The following SDHB variants were observed in gnomAD, a reference collection of about 807,000 sequenced individuals.
SDHB encodes the protein succinate dehydrogenase complex iron sulfur subunit B, also known as succinate dehydrogenase [ubiquinone] iron-sulfur subunit, mitochondrial.
Under a neutral mutation model 39.7 loss-of-function variants are expected in SDHB, and 21 were observed. The observed-to-expected ratio is 0.53, with a 90% CI of 0.37 to 0.76. SDHB has a LOEUF of 0.76. Among genes scored for constraint, SDHB ranks in the 30% least tolerant of loss-of-function variants. The pLI, the probability that SDHB is intolerant of heterozygous loss-of-function variation, is 0.00. For synonymous variants in SDHB, 118 were observed against 117.0 expected, an observed-to-expected ratio of 1.01 and a Z score of -0.06; for missense variants, 343 against 350.9, an observed-to-expected ratio of 0.98 and a Z score of 0.18.
At chr1:17,023,898 A>C (rs911025466) in intron 6 of SDHB, 75 bp downstream of exon 6, 3 of 1,130,016 alleles carry the variant, frequency 2.7e-6, no homozygotes, top group Non-Finnish European at 4.0e-6. Context: ...GCTGGCTTAC[A>C]GCAATCTATT....
chr1:17,032,204 CTTT>C (rs759941990), intron 3 of SDHB, among the ~76,000 whole-genome samples: 2 of 142,988 alleles, frequency 1.4e-5, no homozygotes, highest in Non-Finnish European at 3.1e-5. Context: ...TTATATTTTT[CTTT>C]TTTTTTTTTT....
At chr1:17,049,557 A>G (rs1000760553) in intron 1 of SDHB, among the ~76,000 whole-genome samples, 1 of 150,464 alleles carries the variant, frequency 6.6e-6, no homozygotes, top group African/African-American at 2.4e-5. Flanking sequence ...TCAGCGTTCC[A>G]AAGTGTTGGG....
intron 7 of SDHB, 64 bp from the exon 8 acceptor site, chr1:17,019,022 T>A: frequency 7.7e-7 from 1 of 1,293,802 alleles, no homozygotes; most frequent in Non-Finnish European, 1.1e-6. Context: ...AAACCCACAA[T>A]CTTGGGTGAA....
At chr1:17,051,466 G>A (rs1434201949) in intron 1 of SDHB, among the ~76,000 whole-genome samples, 1 of 152,126 alleles carries the variant, frequency 6.6e-6, no homozygotes, top group African/African-American at 2.4e-5. Context: ...GGAGGCCAGA[G>A]AAGAAGGTGG....
At chr1:17,043,165 T>G (rs2078090904) in intron 2 of SDHB, among the ~76,000 whole-genome samples, 1 of 152,096 alleles carries the variant, frequency 6.6e-6, no homozygotes, top group African/African-American at 2.4e-5. Flanking sequence ...TTCACCATGT[T>G]GGCCAGGCTA....
At chr1:17,023,345 C>T (rs2077973462) in intron 6 of SDHB, among the ~76,000 whole-genome samples, 1 of 152,240 alleles carries the variant, frequency 6.6e-6, no homozygotes, top group Non-Finnish European at 1.5e-5. Context: ...CCAATCTTCA[C>T]ATGGCTGGGA....
At chr1:17,019,657 G>T (rs2101509161) in intron 7 of SDHB, among the ~76,000 whole-genome samples, 1 of 152,098 alleles carries the variant, frequency 6.6e-6, no homozygotes, top group South Asian at 2.1e-4. Context: ...ATTTTAGAAG[G>T]ATAAGTCTAC....
chr1:17,033,002 C>T, intron 3 of SDHB, 58 bp downstream of exon 3: 8 of 1,379,090 alleles, frequency 5.8e-6, no homozygotes, highest in Non-Finnish European at 7.2e-6. Context: ...CTTTGGCCAG[C>T]CCAAGCCTCT....
intron 7 of SDHB, 140 bp downstream of exon 7, chr1:17,022,468 A>G: frequency 8.3e-7 from 1 of 1,202,978 alleles, no homozygotes; most frequent in Non-Finnish European, 1.2e-6. Flanking sequence ...CTAGGCTCAC[A>G]CTGAAAGGAC....
At chr1:17,037,772 T>G (rs575802463) in intron 2 of SDHB, among the ~76,000 whole-genome samples, 281 of 151,954 alleles carry the variant, frequency 1.8e-3, no homozygotes, top group Non-Finnish European at 3.3e-3. Flanking sequence ...AATTTTTTGT[T>G]TGCTTTTTTG....
At chr1:17,024,113 G>A in intron 5 of SDHB, 39 bp from the exon 6 acceptor site, 1 of 1,391,742 alleles carries the variant, frequency 7.2e-7, no homozygotes, top group Non-Finnish European at 1.0e-6. Context: ...CTTGTGACGG[G>A]AGAGACTCTG....
intron 3 of SDHB, among the ~76,000 whole-genome samples, chr1:17,031,289 T>C (rs2078021596): frequency 6.6e-6 from 1 of 151,766 alleles, no homozygotes; most frequent in East Asian, 1.9e-4. Flanking sequence ...GGCATAAAAA[T>C]TAAAAAAATA....
intron 4 of SDHB, among the ~76,000 whole-genome samples, chr1:17,028,231 G>GT (rs1402458349): frequency 1.3e-5 from 2 of 152,164 alleles, no homozygotes; most frequent in African/African-American, 2.4e-5. Flanking sequence ...TGATTTCTTT[G>GT]TAGTTATGGC....
chr1:17,047,598 G>A (rs2078119237), intron 1 of SDHB, among the ~76,000 whole-genome samples: 1 of 151,748 alleles, frequency 6.6e-6, no homozygotes, highest in Non-Finnish European at 1.5e-5. Flanking sequence ...CAGGAGAATG[G>A]CTTGAACTTG....
At chr1:17,043,591 G>C (rs1009850627) in intron 2 of SDHB, among the ~76,000 whole-genome samples, 1 of 152,170 alleles carries the variant, frequency 6.6e-6, no homozygotes, top group Non-Finnish European at 1.5e-5. Flanking sequence ...TGGGGGCGTG[G>C]AGTGGAGCAG....
At chr1:17,040,799 C>T (rs370923034) in intron 2 of SDHB, among the ~76,000 whole-genome samples, 13 of 151,908 alleles carry the variant, frequency 8.6e-5, no homozygotes, top group Non-Finnish European at 1.8e-4. Context: ...ATCACAGGAG[C>T]GCTTTCCCTT....
At chr1:17,023,877 C>G (rs577626882) in intron 6 of SDHB, 96 bp downstream of exon 6, 24 of 873,434 alleles carry the variant, frequency 2.7e-5, no homozygotes, top group Admixed American at 2.0e-4. Flanking sequence ...GAAACCAGGC[C>G]CCTCAGAATG....
chr1:17,040,642 T>C (rs902973285), intron 2 of SDHB, among the ~76,000 whole-genome samples: 3 of 152,060 alleles, frequency 2.0e-5, no homozygotes, highest in Non-Finnish European at 2.9e-5. Flanking sequence ...AAAAAATTTT[T>C]TTAGTAGAGA....
rs1553177749 is a variant in SDHB at position 17,028,666 on chromosome 1, G to A, written c.357C>T (p.Thr119=). The A allele has an allele frequency of 6.2e-7, 1 of 1,614,058 alleles. No homozygotes were observed. Among genetic ancestry groups the A allele is most frequent in the Non-Finnish European group, 8.5e-7 (1 of 1,179,954 alleles). Residue 119 remains threonine (T), a synonymous_variant, in exon 4 of 8, where the codon ACC becomes ACT. Coordinates refer to ENST00000375499, the MANE Select transcript of SDHB (RefSeq NM_003000.3). The part of the protein sequence containing the change: ...NTLACTRRID[T]NLNKVSKIYP... ...AGATTTTTGAGACCTTATTGAGGTT[G>A]GTGTCAATCCTTCGGGTGCAAGCTA...
Sources: allele counts gnomAD v4.1 joint callset (sites outside exome capture counted in the v4.1 genomes callset), GRCh38; gene constraint gnomAD v4.1.1; transcripts MANE v1.5; gene names NCBI Gene and HGNC (gene_info 2026-07-23, HGNC 2026-07-21).